ERI1: variants seen among roughly 807,000 people sequenced by gnomAD.
ERI1 encodes exoribonuclease 1.
ERI1 carries 39 observed loss-of-function variants against 39.7 expected under a neutral mutation model. The ratio of observed to expected loss-of-function variants is 0.98; its 90% confidence interval spans 0.76 to 1.28. The LOEUF (loss-of-function observed/expected upper bound fraction) is 1.28. Among genes scored for constraint, ERI1 ranks in the 50% most tolerant of loss-of-function variants. The pLI is 0.00. For synonymous variants in ERI1, 204 were observed against 149.6 expected (o/e 1.36, Z -2.65); for missense variants, 581 against 416.9 (o/e 1.39, Z -3.43).
intron 3 of ERI1, among the ~76,000 whole-genome samples, chr8:9,046,679 C>T (rs2044386): frequency 1.9e-3 from 292 of 152,272 alleles, no homozygotes; most frequent in African/African-American, 6.9e-3. Flanking sequence ...AAGGAAAAAG[C>T]AAAAACACCT....
chr8:9,038,482 G>C (rs939596140), intron 3 of ERI1, among the ~76,000 whole-genome samples: 1 of 152,324 alleles, frequency 6.6e-6, no homozygotes, highest in Middle Eastern at 3.4e-3. Context: ...ATATATGGCT[G>C]AGTGCAGTGG....
chr8:9,063,641 A>G (rs966018465), intron 3 of ERI1, among the ~76,000 whole-genome samples: 4 of 152,134 alleles, frequency 2.6e-5, no homozygotes, highest in Non-Finnish European at 5.9e-5. Context: ...GATGAGTTGC[A>G]TGGGGAACAG....
chr8:9,064,543 TAAGAG>T (rs1200252981), intron 3 of ERI1, among the ~76,000 whole-genome samples: 1 of 151,944 alleles, frequency 6.6e-6, no homozygotes, highest in East Asian at 1.9e-4. Flanking sequence ...GAATTGAAAT[TAAGAG>T]AAGTGAGAGA....
intron 4 of ERI1, among the ~76,000 whole-genome samples, chr8:9,016,728 C>G (rs1817331890): frequency 6.6e-6 from 1 of 152,192 alleles, no homozygotes; most frequent in Non-Finnish European, 1.5e-5. Context: ...CTCTGTCACC[C>G]AGGCTTGAGT....
At position 9,030,052 on chromosome 8, in the gene ERI1, G is replaced by A. The variant is rs373608322; in HGVS notation, c.*18G>A. On this transcript the variant is annotated 3_prime_UTR_variant, in exon 7 of 7. Transcript: ENST00000250263. ...GAAAGTAACAACAGTTTTGTGTGTG[G>A]ATCATTCCAATTGAAGTTGCTATGA... 7.3e-5 allele frequency: 117 copies of A among 1,610,182 alleles called. 1 individual carries two copies. The highest frequency in any genetic ancestry group is 1.5e-4 in the Admixed American group (9 of 59,936).
At chr8:9,039,659 G>T (rs1797956430) in intron 3 of ERI1, among the ~76,000 whole-genome samples, 1 of 152,102 alleles carries the variant, frequency 6.6e-6, no homozygotes, top group Non-Finnish European at 1.5e-5. Context: ...AAGGTATTTG[G>T]CTTTTGGCAG....
At chr8:9,015,849 G>A (rs1817212094) in intron 3 of ERI1, among the ~76,000 whole-genome samples, 1 of 151,218 alleles carries the variant, frequency 6.6e-6, no homozygotes, top group Admixed American at 6.6e-5. Flanking sequence ...TGACTATTTA[G>A]AATTTAGTTC....
rs1040850304 is a variant in ERI1, at chr8:9,033,289, A to G, written c.*3255A>G. The G allele has an allele frequency of 6.6e-6, 1 of 152,220 alleles. No homozygotes were observed. The highest frequency in any genetic ancestry group is 2.4e-5 in the African/African-American group (1 of 41,460). The allele number at this position is 152,220 out of a possible 1,614,324, so 9.4% of individuals were successfully genotyped here. The stretch of plus-strand genomic sequence containing the variant: ...ATGGCTCAAAATAATATTTTGTATA[A>G]TACGAAAATTACGAAATTTTAGTTT... On this transcript the variant is annotated 3_prime_UTR_variant, in exon 7 of 7. Coordinates refer to ENST00000250263, the MANE Select transcript of ERI1 (RefSeq NM_153332.4).
Position 9,032,309 on chromosome 8 carries a change from A to C in ERI1, c.*2275A>C, listed in dbSNP as rs1797641909. 1 of 152,246 alleles carries C rather than the reference A, an allele frequency of 6.6e-6. No homozygotes were observed. The highest frequency in any genetic ancestry group is 6.5e-5 in the Admixed American group (1 of 15,284). 9.4% of individuals were successfully genotyped at this position (152,246 alleles called of 1,614,324 possible). A position where few individuals can be genotyped will look rare whatever the true frequency, so the allele number is the denominator to read the frequency against. On this transcript the variant is annotated 3_prime_UTR_variant, in exon 7 of 7. Transcript: ENST00000250263. ...GTTACTTAGTATTTACAAACAATTT[A>C]TTATTAGCTGTGTTAACTTTTATTC...
In ERI1 at chr8:9,019,063, C is replaced by G. The variant is rs1002125211; in HGVS notation, c.692+657C>G. On this transcript the variant is annotated intron_variant, in intron 5 of 6. Transcript: ENST00000250263. ...AATCTAAAATTCTTTCAGAGAAGGA[C>G]TTTTGCTGCCTAATAATCTTCCATA... Among the ~76,000 whole-genome samples the G allele has an allele frequency of 2.6e-5, 4 of 152,136 alleles. 1 individual carries two copies. The highest frequency in any genetic ancestry group is 5.9e-5 in the Non-Finnish European group (4 of 68,030).
intron 3 of ERI1, among the ~76,000 whole-genome samples, chr8:9,069,805 G>T (rs1469638206): frequency 1.3e-5 from 2 of 152,184 alleles, no homozygotes; most frequent in Non-Finnish European, 2.9e-5. Flanking sequence ...AGGAATTATA[G>T]AGAAGGAAAT....
At chr8:9,007,604 A>T (rs1451595505) in intron 1 of ERI1, among the ~76,000 whole-genome samples, 1 of 152,182 alleles carries the variant, frequency 6.6e-6, no homozygotes, top group Non-Finnish European at 1.5e-5. Flanking sequence ...CATTTTATAG[A>T]TAAGGAAATT....
intron 3 of ERI1, among the ~76,000 whole-genome samples, chr8:9,095,281 G>A (rs57395617): frequency 0.035 from 5,333 of 152,102 alleles, 281 homozygotes; most frequent in African/African-American, 0.12. Context: ...GAATAGATTG[G>A]GTTTGTATTA....
chr8:9,057,594 C>T (rs140371221), intron 3 of ERI1, among the ~76,000 whole-genome samples: 1 of 152,322 alleles, frequency 6.6e-6, no homozygotes, highest in African/African-American at 2.4e-5. Flanking sequence ...ATGAGCCAGA[C>T]ACTATTTTAG....
chr8:9,067,947 T>G (rs1016472408), intron 3 of ERI1, among the ~76,000 whole-genome samples: 1 of 140,442 alleles, frequency 7.1e-6, no homozygotes, highest in Non-Finnish European at 1.6e-5. Context: ...CACACACATA[T>G]ATGTATATAC....
chr8:9,020,563 A>G lies in ERI1; in HGVS notation c.807+99A>G, dbSNP rs564623100. ...GTAATTTTCCAGGTGTTTTTCATGGAAAAAAGCCATATAATTAGTTCTTAC... is the reference window on the plus strand; with the variant it reads ...GTAATTTTCCAGGTGTTTTTCATGGGAAAAAGCCATATAATTAGTTCTTAC... On this transcript the variant is annotated intron_variant, in intron 6 of 6. Transcript: ENST00000250263. 373 of 725,570 alleles carry G rather than the reference A, an allele frequency of 5.1e-4. No individual in the cohort carries two copies. The African/African-American group carries it at 6.2e-3, about 12-fold the overall frequency. 44.9% of individuals were successfully genotyped at this position (725,570 alleles called of 1,614,324 possible).
intron 5 of ERI1, among the ~76,000 whole-genome samples, chr8:9,018,720 C>G (rs979150452): frequency 2.0e-5 from 3 of 152,184 alleles, no homozygotes; most frequent in African/African-American, 4.8e-5. Flanking sequence ...CTTGAAGCCT[C>G]TTTCCTCTCA....
chr8:9,088,526 T>A (rs1277887365), intron 3 of ERI1: 1 of 152,094 alleles, frequency 6.6e-6, no homozygotes, highest in Non-Finnish European at 1.5e-5. Flanking sequence ...AAATTTGACA[T>A]GTGATGCAAG....
At chr8:9,074,894 G>C (rs1308669010) in intron 3 of ERI1, among the ~76,000 whole-genome samples, 1 of 152,112 alleles carries the variant, frequency 6.6e-6, no homozygotes, top group Non-Finnish European at 1.5e-5. Flanking sequence ...GGTGTGGTCT[G>C]GTGTGGTCTT....
Sources: gnomAD v4.1 joint callset for allele counts (sites outside exome capture counted in the v4.1 genomes callset) on GRCh38, gnomAD v4.1.1 for gene constraint, MANE v1.5 for transcripts, NCBI Gene and HGNC (gene_info 2026-07-23, HGNC 2026-07-21) for gene names.